Variants in MAGI3 observed in about 807,000 individuals in gnomAD.
MAGI3 encodes membrane associated guanylate kinase, WW and PDZ domain containing 3.
Under a neutral mutation model 121.8 loss-of-function variants are expected in MAGI3, and 43 were observed. The observed-to-expected ratio is 0.35, with a 90% CI of 0.28 to 0.46. The LOEUF (loss-of-function observed/expected upper bound fraction) is 0.46, where lower values mean the gene tolerates loss of function less well. MAGI3 is among the 20% of genes least tolerant of loss of function. The pLI is 1.00. For missense variants in MAGI3, 1,547 were observed against 1,797.3 expected, an observed-to-expected ratio of 0.86 and a Z score of 2.52; for synonymous variants, 553 against 639.3, an observed-to-expected ratio of 0.86 and a Z score of 2.04.
intron 1 of MAGI3, among the ~76,000 whole-genome samples, chr1:113,520,891 C>T (rs904437901): frequency 2.6e-5 from 4 of 151,940 alleles, no homozygotes; most frequent in Admixed American, 6.6e-5. Flanking sequence ...TGTGAGCCAT[C>T]GCACCTGGCA....
chr1:113,587,198 T>TGTTG (rs941484345), intron 4 of MAGI3, among the ~76,000 whole-genome samples: 10 of 151,098 alleles, frequency 6.6e-5, no homozygotes, highest in African/African-American at 2.5e-4. Context: ...TTTGTTTATT[T>TGTTG]GTTTGTTTGT....
chr1:113,462,831 A>C, intron 1 of MAGI3, among the ~76,000 whole-genome samples: 1 of 152,162 alleles, frequency 6.6e-6, no homozygotes, highest in Non-Finnish European at 1.5e-5. Flanking sequence ...ATTTTTAAAA[A>C]TATAGTTGGG....
Position 113,653,740 on chromosome 1 carries a change from T to A in MAGI3, c.2441-90T>A. Reference sequence around the variant, plus strand: ...ATTCTTTATGTTATTAGAAACTGAATTTTTCTGTGAGAGGCTTAGCATAAA... The same window carrying A: ...ATTCTTTATGTTATTAGAAACTGAAATTTTCTGTGAGAGGCTTAGCATAAA... On this transcript the variant is annotated intron_variant, in intron 14 of 20. Transcript: ENST00000307546. 2.6e-6 allele frequency: 3 copies of A among 1,169,238 alleles called. No homozygotes were observed. In the South Asian group the frequency reaches 5.3e-5, roughly 20 times the overall value. The allele number at this position is 1,169,238 out of a possible 1,614,324, so 72.4% of individuals were successfully genotyped here.
intron 1 of MAGI3, among the ~76,000 whole-genome samples, chr1:113,432,756 G>A (rs1233922065): frequency 6.6e-6 from 1 of 152,050 alleles, no homozygotes; most frequent in Non-Finnish European, 1.5e-5. Flanking sequence ...GAAATTTGGA[G>A]AAGATATTTT....
intron 2 of MAGI3, among the ~76,000 whole-genome samples, chr1:113,551,366 C>G (rs1480059074): frequency 2.6e-5 from 4 of 152,076 alleles, no homozygotes; most frequent in African/African-American, 9.7e-5. Flanking sequence ...TTTCTCAGCA[C>G]TATAGGAAAG....
At chr1:113,402,578 T>C (rs1256655541) in intron 1 of MAGI3, among the ~76,000 whole-genome samples, 1 of 152,168 alleles carries the variant, frequency 6.6e-6, no homozygotes, top group East Asian at 1.9e-4. Context: ...TCTGTGGGGC[T>C]GATGCTACAA....
intron 2 of MAGI3, among the ~76,000 whole-genome samples, chr1:113,579,588 A>T (rs1159256289): frequency 1.3e-5 from 2 of 152,168 alleles, no homozygotes; most frequent in African/African-American, 4.8e-5. Flanking sequence ...TGTGTTTTAG[A>T]AAAGTCACTG....
At chr1:113,517,504 A>G (rs1015753076) in intron 1 of MAGI3, among the ~76,000 whole-genome samples, 2 of 151,996 alleles carry the variant, frequency 1.3e-5, no homozygotes, top group African/African-American at 2.4e-5. Flanking sequence ...TGCCTAGGAT[A>G]CCTAGTAGGC....
At chr1:113,414,989 CTAA>C (rs902042041) in intron 1 of MAGI3, among the ~76,000 whole-genome samples, 2 of 151,888 alleles carry the variant, frequency 1.3e-5, no homozygotes, top group Non-Finnish European at 2.9e-5. Context: ...TATAATTTTC[CTAA>C]TGAGATGACA....
intron 16 of MAGI3, 54 bp downstream of exon 16, chr1:113,659,319 T>C (rs1653656710): frequency 6.4e-7 from 1 of 1,570,484 alleles, no homozygotes; most frequent in African/African-American, 1.4e-5. Context: ...GCACAAAGCC[T>C]GTGTGAGGCA....
Position 113,419,218 on chromosome 1 carries a change from C to T in MAGI3, c.316+27869C>T, listed in dbSNP as rs375643024. 1.9e-4 allele frequency among the ~76,000 whole-genome samples: 29 copies of T among 152,142 alleles called. 1 individual carries two copies. The South Asian group carries it at 5.4e-3, about 28-fold the overall frequency. On this transcript the variant is annotated intron_variant, in intron 1 of 20. Coordinates refer to ENST00000307546, the MANE Select transcript of MAGI3 (RefSeq NM_001142782.2). ...CTTTTATCTTCAATATCCACATTAG[C>T]TTTATTAATTAAGGAGTCATATGAC...
chr1:113,612,721 T>C (rs1650231600), intron 6 of MAGI3, among the ~76,000 whole-genome samples: 1 of 152,208 alleles, frequency 6.6e-6, no homozygotes, highest in South Asian at 2.1e-4. Flanking sequence ...TTGTTTGCCC[T>C]CCTAAAGAAA....
intron 2 of MAGI3, among the ~76,000 whole-genome samples, chr1:113,570,433 T>C (rs1647229814): frequency 1.3e-5 from 2 of 152,162 alleles, no homozygotes; most frequent in South Asian, 4.1e-4. Context: ...GGTCAAATGG[T>C]ATTTCTAGTT....
At chr1:113,622,713 A>G in intron 8 of MAGI3, 93 bp from the exon 9 acceptor site, 4 of 1,032,962 alleles carry the variant, frequency 3.9e-6, no homozygotes, top group East Asian at 2.9e-5. Flanking sequence ...TAAGTTGAGA[A>G]TAACATTAAA....
At chr1:113,419,874 G>T (rs1284464138) in intron 1 of MAGI3, among the ~76,000 whole-genome samples, 7 of 152,170 alleles carry the variant, frequency 4.6e-5, no homozygotes, top group South Asian at 2.1e-4. Flanking sequence ...TCTAGAGCCT[G>T]CCTGCATTCC....
At chr1:113,572,409 A>C (rs1647353176) in intron 2 of MAGI3, among the ~76,000 whole-genome samples, 1 of 152,206 alleles carries the variant, frequency 6.6e-6, no homozygotes, top group African/African-American at 2.4e-5. Context: ...TGGACTCATA[A>C]AATGAGTTAG....
At chr1:113,660,834 G>A (rs1240166637) in intron 16 of MAGI3, among the ~76,000 whole-genome samples, 5 of 150,102 alleles carry the variant, frequency 3.3e-5, no homozygotes, top group East Asian at 2.0e-4. Context: ...GAACTCCTGG[G>A]CTCAAGCGAT....
chr1:113,635,394 C>T (rs1445680266), intron 9 of MAGI3, among the ~76,000 whole-genome samples: 22 of 151,912 alleles, frequency 1.4e-4, no homozygotes, highest in East Asian at 5.8e-4. Flanking sequence ...TTTTGAGATA[C>T]GTCCCATCAA....
chr1:113,657,220 T>C lies in MAGI3; in HGVS notation c.2630-1860T>C, dbSNP rs567235672. 1.1e-4 allele frequency among the ~76,000 whole-genome samples: 17 copies of C among 152,362 alleles called. No homozygotes were observed. In the East Asian group the frequency reaches 1.7e-3, roughly 16 times the overall value. On this transcript the variant is annotated intron_variant, in intron 15 of 20. Transcript: ENST00000307546. ...TGTATCAACAAAAACAAGGCAGGAC[T>C]GAAGGCTTTTCCCTAGCTATGTGAA... is the stretch of plus-strand genomic sequence containing the variant.
Sources: allele counts gnomAD v4.1 joint callset (sites outside exome capture counted in the v4.1 genomes callset), GRCh38; gene constraint gnomAD v4.1.1; transcripts MANE v1.5; gene names NCBI Gene and HGNC (gene_info 2026-07-23, HGNC 2026-07-21).